FNDC3B: variants seen among roughly 807,000 people sequenced by gnomAD.
FNDC3B encodes the protein fibronectin type III domain containing 3B, also known as fibronectin type III domain-containing protein 3B.
A neutral mutation model predicts 151.5 loss-of-function variants in FNDC3B; 12 were observed. The observed-to-expected ratio is 0.08, with a 90% CI of 0.05 to 0.13. FNDC3B has a LOEUF of 0.13. Among genes scored for constraint, FNDC3B ranks in the 10% least tolerant of loss-of-function variants. The pLI is 1.00. For missense variants in FNDC3B, 1,214 were observed against 1,505.3 expected, an observed-to-expected ratio of 0.81 and a Z score of 3.20; for synonymous variants, 528 against 549.0, an observed-to-expected ratio of 0.96 and a Z score of 0.54.
chr3:172,386,286 A>AATTCAT (rs11280999), intron 25 of FNDC3B, among the ~76,000 whole-genome samples: 86,605 of 151,396 alleles, frequency 0.57, 28,273 homozygotes, highest in Non-Finnish European at 0.75. Flanking sequence ...AAAGCAAAAC[A>AATTCAT]ATTCATATTC....
rs1483626695 is a variant in FNDC3B at position 172,399,863 on chromosome 3, A to G, written c.*2388A>G. The G allele has an allele frequency of 2.0e-5, 3 of 152,598 alleles. No homozygotes were observed. The highest frequency in any genetic ancestry group is 2.1e-4 in the South Asian group (1 of 4,832). 9.5% of individuals were successfully genotyped at this position (152,598 alleles called of 1,614,324 possible). On this transcript the variant is annotated 3_prime_UTR_variant, in exon 26 of 26. Coordinates refer to ENST00000415807, the MANE Select transcript of FNDC3B (RefSeq NM_022763.4). Reference sequence around the variant, plus strand: ...TTTTTTTTTAAGTAAATAGTACTTTAGGCCAAAATTTATATGAATATTTGA... The same window carrying G: ...TTTTTTTTTAAGTAAATAGTACTTTGGGCCAAAATTTATATGAATATTTGA...
At chr3:172,212,369 CTTTCTA>C (rs1328125643) in intron 3 of FNDC3B, among the ~76,000 whole-genome samples, 1 of 152,060 alleles carries the variant, frequency 6.6e-6, no homozygotes, top group African/African-American at 2.4e-5. Flanking sequence ...TTTTTTTCTA[CTTTCTA>C]TTTATTTTTT....
At chr3:172,129,327 G>A (rs967199904) in intron 2 of FNDC3B, among the ~76,000 whole-genome samples, 1 of 152,130 alleles carries the variant, frequency 6.6e-6, no homozygotes, top group Non-Finnish European at 1.5e-5. Flanking sequence ...TGAGTGACTG[G>A]TAATTTTTTT....
At chr3:172,132,837 C>T (rs191199903) in intron 2 of FNDC3B, among the ~76,000 whole-genome samples, 10 of 152,212 alleles carry the variant, frequency 6.6e-5, no homozygotes, top group Non-Finnish European at 1.2e-4. Flanking sequence ...TTTGCTATTA[C>T]CACTCATGGT....
rs145499256 is a variant in FNDC3B, at chr3:172,312,332, C to T, written c.1254+1451C>T. 2.9e-3 allele frequency among the ~76,000 whole-genome samples: 441 copies of T among 152,264 alleles called. 1 individual carries two copies. The highest frequency in any genetic ancestry group is 0.01 in the African/African-American group (420 of 41,560). On this transcript the variant is annotated intron_variant, in intron 11 of 25. Coordinates refer to ENST00000415807, the MANE Select transcript of FNDC3B (RefSeq NM_022763.4). ...GGTTGGTAAAATCTCAGCCTTAACC[C>T]GTACATTCTACAGATTAGGTGGATT... is the stretch of plus-strand genomic sequence containing the variant.
In FNDC3B at chr3:172,289,058, C is replaced by A. The variant is rs555090390; in HGVS notation, c.849+3074C>A. 3.9e-5 allele frequency among the ~76,000 whole-genome samples: 6 copies of A among 152,296 alleles called. No homozygotes were observed. In the South Asian group the frequency reaches 1.2e-3, roughly 32 times the overall value. Reference sequence around the variant, plus strand: ...ACAAATTGAATGGCGTAAAACAGTACAAATTTATTGTCATAAAGGTCTAGA... The same window carrying A: ...ACAAATTGAATGGCGTAAAACAGTAAAAATTTATTGTCATAAAGGTCTAGA... On this transcript the variant is annotated intron_variant, in intron 7 of 25. Transcript: ENST00000415807.
At chr3:172,059,498 C>G (rs571593513) in intron 1 of FNDC3B, among the ~76,000 whole-genome samples, 2 of 152,248 alleles carry the variant, frequency 1.3e-5, no homozygotes, top group Admixed American at 1.3e-4. Context: ...AAGTTTGCAT[C>G]TGAAAAATTG....
chr3:172,273,386 C>T (rs1450987629), intron 6 of FNDC3B, among the ~76,000 whole-genome samples: 1 of 152,110 alleles, frequency 6.6e-6, no homozygotes, highest in East Asian at 1.9e-4. Flanking sequence ...CCCCTAAAGC[C>T]ACCTTCTTCA....
chr3:172,101,549 C>G (rs1014068860), intron 1 of FNDC3B, among the ~76,000 whole-genome samples: 8 of 152,078 alleles, frequency 5.3e-5, no homozygotes, highest in African/African-American at 1.7e-4. Context: ...TCAGCTAGGT[C>G]CTTCTTTTGG....
chr3:172,195,160 T>C (rs1303099931), intron 3 of FNDC3B, among the ~76,000 whole-genome samples: 1 of 152,222 alleles, frequency 6.6e-6, no homozygotes, highest in African/African-American at 2.4e-5. Context: ...TTTTACTAGT[T>C]ACAAGGATCT....
chr3:172,359,373 G>C (rs540348169), intron 22 of FNDC3B, among the ~76,000 whole-genome samples: 1 of 152,148 alleles, frequency 6.6e-6, no homozygotes, highest in Admixed American at 6.5e-5. Context: ...CAGAGCAAAG[G>C]GTAGGATCAC....
rs759452454 is a variant in FNDC3B at position 172,330,585 on chromosome 3, C to T, written c.1424C>T (p.Pro475Leu). ...EVVCYTLGNI[P>L]QMPSAPRLVR... is the part of the protein sequence containing the mutation. ...GTGTGCTACACATTAGGAAATATCC[C>T]TCAGATGCCTTCTGCACCAAGGCTG... Residue 475 changes from proline to leucine, a missense_variant, in exon 13 of 26, where the codon CCT (proline) becomes CTT (leucine). Transcript: ENST00000415807. The T allele has an allele frequency of 1.2e-6, 2 of 1,614,074 alleles. No homozygotes were observed. Among genetic ancestry groups the T allele is most frequent in the Non-Finnish European group, 1.7e-6 (2 of 1,179,966 alleles).
intron 25 of FNDC3B, among the ~76,000 whole-genome samples, chr3:172,393,783 T>G (rs749049562): frequency 6.6e-6 from 1 of 151,990 alleles, no homozygotes; most frequent in African/African-American, 2.4e-5. Context: ...TAAAAAATAT[T>G]TTGAGGCAAA....
intron 2 of FNDC3B, among the ~76,000 whole-genome samples, chr3:172,131,172 G>A (rs1022620964): frequency 5.3e-5 from 8 of 152,088 alleles, no homozygotes; most frequent in African/African-American, 9.7e-5. Context: ...CGAGACGGAC[G>A]GATCACCTGA....
At chr3:172,347,132 A>G in intron 20 of FNDC3B, 80 bp from the exon 21 acceptor site, 1 of 1,284,646 alleles carries the variant, frequency 7.8e-7, no homozygotes, top group Non-Finnish European at 1.1e-6. Context: ...TCTCTTTCCC[A>G]TTTTAGTTAA....
In FNDC3B at chr3:172,040,276, G is replaced by C. The variant is rs1159121396; in HGVS notation, c.-29+505G>C. Among the ~76,000 whole-genome samples, 16 of 152,164 alleles carry C rather than the reference G, an allele frequency of 1.1e-4. No individual in the cohort carries two copies. The East Asian group carries it at 3.1e-3, about 30-fold the overall frequency. On this transcript the variant is annotated intron_variant, in intron 1 of 25. Transcript: ENST00000415807. The surrounding 1 kb of genome is among the most constrained non-coding windows in gnomAD (Gnocchi z 6.6). ...GATTTCCATATGGTGGAGGGAAGAGGGCGGGAGTGCGAAGTGGGGCTGGAA... is the reference window on the plus strand; with the variant it reads ...GATTTCCATATGGTGGAGGGAAGAGCGCGGGAGTGCGAAGTGGGGCTGGAA...
intron 25 of FNDC3B, among the ~76,000 whole-genome samples, chr3:172,391,519 C>A (rs1338474291): frequency 2.0e-5 from 3 of 152,148 alleles, no homozygotes; most frequent in Non-Finnish European, 4.4e-5. Context: ...ACCAGCCAGG[C>A]CCAGCTCCCA....
intron 23 of FNDC3B, among the ~76,000 whole-genome samples, chr3:172,370,933 A>T (rs919768360): frequency 2.0e-5 from 3 of 152,214 alleles, no homozygotes; most frequent in Non-Finnish European, 4.4e-5. Context: ...GTTACAGCTG[A>T]TGAACAGACA....
intron 20 of FNDC3B, among the ~76,000 whole-genome samples, chr3:172,346,690 T>G (rs1733632683): frequency 6.6e-6 from 1 of 152,086 alleles, no homozygotes; most frequent in African/African-American, 2.4e-5. Flanking sequence ...GTAAAAAATT[T>G]TATTTTATTT....
Sources: allele counts gnomAD v4.1 joint callset (sites outside exome capture counted in the v4.1 genomes callset), GRCh38; gene constraint gnomAD v4.1.1; non-coding constraint Gnocchi (gnomAD v3.1); transcripts MANE v1.5; gene names NCBI Gene and HGNC (gene_info 2026-07-23, HGNC 2026-07-21).